Variants in FBXW7 observed in about 807,000 individuals in gnomAD.
FBXW7 encodes the protein F-box and WD repeat domain containing 7.
FBXW7 carries 11 observed loss-of-function variants against 86.3 expected under a neutral mutation model. That is an observed-to-expected ratio of 0.13 (90% CI 0.08 to 0.21). The LOEUF (loss-of-function observed/expected upper bound fraction) is 0.21. Ranked by LOEUF, FBXW7 falls within the 10% of genes least tolerant of loss-of-function variation. The probability of loss-of-function intolerance (pLI) is 1.00; values close to 1 mark genes in which losing one functional copy is unlikely to be tolerated. For missense variants in FBXW7, 488 were observed against 847.4 expected (o/e 0.58, Z 5.27); for synonymous variants, 313 against 297.9 (o/e 1.05, Z -0.52).
chr4:152,359,070 T>C (rs929762398), intron 4 of FBXW7, among the ~76,000 whole-genome samples: 7 of 152,214 alleles, frequency 4.6e-5, no homozygotes, highest in African/African-American at 1.4e-4. Context: ...ATTCAGTTTA[T>C]TGAATCGTTA....
At chr4:152,425,832 T>C (rs1028163135) in intron 2 of FBXW7, among the ~76,000 whole-genome samples, 1 of 152,086 alleles carries the variant, frequency 6.6e-6, no homozygotes, top group Non-Finnish European at 1.5e-5. Flanking sequence ...AGTTCTCTAA[T>C]AGGAAACCCC....
intron 2 of FBXW7, among the ~76,000 whole-genome samples, chr4:152,474,164 A>G (rs1040855842): frequency 1.3e-5 from 2 of 152,236 alleles, no homozygotes; most frequent in Admixed American, 1.3e-4. Context: ...TATAACTTCT[A>G]GTAACATTAA....
intron 2 of FBXW7, among the ~76,000 whole-genome samples, chr4:152,486,127 T>A (rs1048129420): frequency 2.0e-5 from 3 of 152,112 alleles, no homozygotes; most frequent in South Asian, 2.1e-4. Flanking sequence ...AAAGATTTTT[T>A]AAAATCATAT....
At chr4:152,493,456 C>T (rs991172298) in intron 2 of FBXW7, among the ~76,000 whole-genome samples, 2 of 152,110 alleles carry the variant, frequency 1.3e-5, no homozygotes, top group Non-Finnish European at 2.9e-5. Context: ...TAAGCCAATG[C>T]GTCCAGCCAA....
intron 2 of FBXW7, among the ~76,000 whole-genome samples, chr4:152,527,901 C>CACACACACACAT (rs71596295): frequency 5.8e-4 from 86 of 149,288 alleles, no homozygotes; most frequent in African/African-American, 1.9e-3. Flanking sequence ...CACACACACA[C>CACACACACACAT]ATATATATAC....
chr4:152,335,942 T>G (rs2126569953), intron 7 of FBXW7, among the ~76,000 whole-genome samples: 1 of 152,290 alleles, frequency 6.6e-6, no homozygotes, highest in Non-Finnish European at 1.5e-5. Context: ...GTCAAGCTTT[T>G]TGAGATTAAT....
At chr4:152,338,876 G>A (rs189983609) in intron 6 of FBXW7, among the ~76,000 whole-genome samples, 29 of 152,250 alleles carry the variant, frequency 1.9e-4, no homozygotes, top group Non-Finnish European at 3.4e-4. Flanking sequence ...GTCCACTTTA[G>A]AAGTGGGTGA....
chr4:152,516,726 TA>T (rs1435416955), intron 2 of FBXW7, among the ~76,000 whole-genome samples: 8 of 152,274 alleles, frequency 5.3e-5, no homozygotes, highest in Admixed American at 1.3e-4. Context: ...GCACAGTTTT[TA>T]ATTTTTAATT....
In FBXW7 at chr4:152,421,742, A is replaced by G. The variant is rs1021051143; in HGVS notation, c.-119-9213T>C. 5.3e-5 allele frequency among the ~76,000 whole-genome samples: 8 copies of G among 152,156 alleles called. 1 individual carries two copies. In the South Asian group the frequency reaches 1.2e-3, roughly 24 times the overall value. On this transcript the variant is annotated intron_variant, in intron 2 of 13. Transcript: ENST00000281708. ...ACTTAGAAGCCACTGTAGGGTTATT[A>G]ATTGGCAAAATTTCAATGTTGTGTC...
chr4:152,395,307 C>T (rs1049353256), intron 4 of FBXW7, among the ~76,000 whole-genome samples: 52 of 152,008 alleles, frequency 3.4e-4, no homozygotes, highest in African/African-American at 1.3e-3. Context: ...CAAGGTAACA[C>T]TTTGAAAAAT....
intron 2 of FBXW7, among the ~76,000 whole-genome samples, chr4:152,527,230 C>G (rs529688102): frequency 1.3e-5 from 2 of 152,230 alleles, no homozygotes; most frequent in East Asian, 3.9e-4. Context: ...GGCCATGAAG[C>G]CAAGAAATTA....
In FBXW7 at chr4:152,412,079, T is replaced by C. The variant is rs75831997; in HGVS notation, c.-69-207A>G. Among the ~76,000 whole-genome samples the C allele has an allele frequency of 1.5e-3, 229 of 152,254 alleles. No individual in the cohort carries two copies. In the East Asian group the frequency reaches 0.015, roughly 10 times the overall value. ...TTTATAAAGACATGCACAAAAACCA[T>C]AGTAAACAACACTAATCCCTTTTAA... On this transcript the variant is annotated intron_variant, in intron 3 of 13. Coordinates refer to ENST00000281708, the MANE Select transcript of FBXW7 (RefSeq NM_001349798.2).
chr4:152,432,124 C>T (rs990836708), intron 2 of FBXW7, among the ~76,000 whole-genome samples: 1 of 152,180 alleles, frequency 6.6e-6, no homozygotes, highest in Non-Finnish European at 1.5e-5. Flanking sequence ...TCATATTCTT[C>T]GGTCACAATT....
intron 4 of FBXW7, among the ~76,000 whole-genome samples, chr4:152,367,668 G>T (rs893166240): frequency 8.6e-5 from 13 of 151,974 alleles, no homozygotes; most frequent in African/African-American, 2.9e-4. Context: ...AACATTCCTC[G>T]ACTTAATCTT....
At chr4:152,326,684 C>T (rs897329405) in intron 11 of FBXW7, among the ~76,000 whole-genome samples, 1 of 151,808 alleles carries the variant, frequency 6.6e-6, no homozygotes, top group Non-Finnish European at 1.5e-5. Flanking sequence ...ATGTTCTTTG[C>T]CATTTTCCAA....
chr4:152,441,256 GTC>G (rs1397765332), intron 2 of FBXW7, among the ~76,000 whole-genome samples: 1 of 152,086 alleles, frequency 6.6e-6, no homozygotes, highest in Non-Finnish European at 1.5e-5. Context: ...TTTGTCGCCT[GTC>G]TCTGAGAGGA....
intron 4 of FBXW7, among the ~76,000 whole-genome samples, chr4:152,353,524 T>C (rs539375368): frequency 6.6e-6 from 1 of 152,156 alleles, no homozygotes; most frequent in South Asian, 2.1e-4. Flanking sequence ...AACAAACTAG[T>C]ACTACCTAAG....
At chr4:152,458,376 T>C (rs1228775759) in intron 2 of FBXW7, among the ~76,000 whole-genome samples, 1 of 152,250 alleles carries the variant, frequency 6.6e-6, no homozygotes, top group East Asian at 1.9e-4. Context: ...ATACTAGTGA[T>C]GGAGCACATC....
chr4:152,375,099 G>A (rs771951127), intron 4 of FBXW7, among the ~76,000 whole-genome samples: 1 of 151,468 alleles, frequency 6.6e-6, no homozygotes, highest in Non-Finnish European at 1.5e-5. Flanking sequence ...TTTTTTTTAA[G>A]GCAAACCAGG....
Sources: gnomAD v4.1 joint callset for allele counts (sites outside exome capture counted in the v4.1 genomes callset) on GRCh38, gnomAD v4.1.1 for gene constraint, MANE v1.5 for transcripts, NCBI Gene and HGNC (gene_info 2026-07-23, HGNC 2026-07-21) for gene names.